The following ERICH3 variants were observed in gnomAD, a reference collection of about 807,000 sequenced individuals.
ERICH3 encodes glutamate rich 3.
Under a neutral mutation model 131.1 loss-of-function variants are expected in ERICH3, and 126 were observed. That is an observed-to-expected ratio of 0.96 (90% confidence interval 0.83 to 1.11). The LOEUF (loss-of-function observed/expected upper bound fraction) is 1.11, where lower values mean the gene tolerates loss of function less well. ERICH3 is among the 50% of genes most tolerant of loss of function. The pLI is 0.00. For synonymous variants in ERICH3, 695 were observed against 644.6 expected (o/e 1.08, Z -1.18); for missense variants, 2,050 against 1,810.7 (o/e 1.13, Z -2.40).
chr1:74,583,583 A>C (rs1038927324), intron 12 of ERICH3, among the ~76,000 whole-genome samples: 3 of 152,110 alleles, frequency 2.0e-5, no homozygotes, highest in Admixed American at 6.6e-5. Flanking sequence ...TCAGATAAGC[A>C]GGTCAACTGT....
At position 74,620,785 on chromosome 1, in the gene ERICH3, G is replaced by C; in HGVS notation, c.949C>G (p.His317Asp). 3 of 1,613,198 alleles carry C rather than the reference G, an allele frequency of 1.9e-6. No individual in the cohort carries two copies. The highest frequency in any genetic ancestry group is 2.5e-6 in the Non-Finnish European group (3 of 1,179,626). Residue 317 changes from histidine (H) to aspartate (D), a missense_variant, in exon 8 of 15, where the codon CAC becomes GAC. Physicochemically the swap from His to Asp is moderately conservative, Grantham distance 81. Coordinates refer to ENST00000326665, the MANE Select transcript of ERICH3 (RefSeq NM_001002912.5). ...FRDEIKVYQQ[H>D]CGGENLCVYK... is the part of the protein sequence containing the mutation. ...ACACAAAGGTTTTCCCCACCACAGTGCTGCTGATAAACTTTAATTTCATCC... is the reference window on the plus strand; with the variant it reads ...ACACAAAGGTTTTCCCCACCACAGTCCTGCTGATAAACTTTAATTTCATCC...
intron 11 of ERICH3, among the ~76,000 whole-genome samples, chr1:74,591,095 T>A (rs961747461): frequency 6.6e-6 from 1 of 152,184 alleles, no homozygotes; most frequent in African/African-American, 2.4e-5. Context: ...GATCTGTGTA[T>A]TTGGCCAGTA....
rs183776315 is a variant in ERICH3, at chr1:74,577,136, A to C, written c.2177-200T>G. 6 of 496,220 alleles carry C rather than the reference A, an allele frequency of 1.2e-5. No individual in the cohort carries two copies. In the East Asian group the frequency reaches 1.9e-4, roughly 15 times the overall value. The allele number at this position is 496,220 out of a possible 1,614,324, so 30.7% of individuals were successfully genotyped here. A position where few individuals can be genotyped will look rare whatever the true frequency, so the allele number is the denominator to read the frequency against. Reference sequence around the variant, plus strand: ...ATCTAATGTTCTTTTATTTAATCCTAGACATCAATATATTCAAAAAATAAT... The same window carrying C: ...ATCTAATGTTCTTTTATTTAATCCTCGACATCAATATATTCAAAAAATAAT... On this transcript the variant is annotated intron_variant, in intron 12 of 14. Coordinates refer to ENST00000326665, the MANE Select transcript of ERICH3 (RefSeq NM_001002912.5).
intron 1 of ERICH3, among the ~76,000 whole-genome samples, chr1:74,667,178 C>A (rs1285703748): frequency 6.6e-6 from 1 of 152,174 alleles, no homozygotes; most frequent in African/African-American, 2.4e-5. Flanking sequence ...TATGACTCAG[C>A]TGATTTTCCT....
chr1:74,596,662 G>A (rs979674826), intron 11 of ERICH3, among the ~76,000 whole-genome samples: 2 of 152,028 alleles, frequency 1.3e-5, no homozygotes, highest in Non-Finnish European at 2.9e-5. Context: ...TATATTCTCA[G>A]TGACATGATA....
intron 10 of ERICH3, 102 bp from the exon 11 acceptor site, chr1:74,600,033 T>A (rs1648054166): frequency 3.8e-6 from 3 of 796,906 alleles, no homozygotes; most frequent in African/African-American, 1.7e-5. Context: ...CTCTCTTCTC[T>A]GAGCCTTTCT....
chr1:74,607,755 AG>A (rs1163416203), intron 9 of ERICH3, among the ~76,000 whole-genome samples: 2 of 152,004 alleles, frequency 1.3e-5, no homozygotes, highest in Non-Finnish European at 2.9e-5. Context: ...TTATAACAAA[AG>A]TAATATGAAT....
intron 11 of ERICH3, among the ~76,000 whole-genome samples, chr1:74,596,858 T>C (rs1647875699): frequency 6.6e-6 from 1 of 152,028 alleles, no homozygotes; most frequent in Non-Finnish European, 1.5e-5. Flanking sequence ...AGTAGCACTC[T>C]ATCACTCATG....
At chr1:74,579,455 CA>C (rs1647137389) in intron 12 of ERICH3, 4 of 985,174 alleles carry the variant, frequency 4.1e-6, no homozygotes, top group South Asian at 9.4e-5. Flanking sequence ...ATGTTATCAC[CA>C]CTTGCCCACG....
intron 3 of ERICH3, among the ~76,000 whole-genome samples, chr1:74,644,057 T>C (rs1646459654): frequency 7.1e-6 from 1 of 141,746 alleles, no homozygotes; most frequent in Non-Finnish European, 1.6e-5. Flanking sequence ...AAAAATAATC[T>C]GCTTAAAAGG....
rs566475800 is a variant in ERICH3 at position 74,571,690 on chromosome 1, C to G, written c.4020G>C (p.Val1340=). The G allele has an allele frequency of 6.2e-7, 1 of 1,614,064 alleles. No individual in the cohort carries two copies. Among genetic ancestry groups the G allele is most frequent in the East Asian group, 2.2e-5 (1 of 44,828 alleles). ...EGMGGGRVVA[V]EVLHGGGETA... Reference sequence around the variant, plus strand: ...TTTCACCACCTCCGTGTAGAACTTCCACAGCCACAACCCTTCCTCCTCCCA... The same window carrying G: ...TTTCACCACCTCCGTGTAGAACTTCGACAGCCACAACCCTTCCTCCTCCCA... The change falls in exon 14 of 15, where the codon GTG becomes GTC. Residue 1340 remains valine, a synonymous_variant. Coordinates refer to ENST00000326665, the MANE Select transcript of ERICH3 (RefSeq NM_001002912.5).
At chr1:74,664,310 T>TAA (rs5775254) in intron 1 of ERICH3, among the ~76,000 whole-genome samples, 1 of 146,576 alleles carries the variant, frequency 6.8e-6, no homozygotes. Flanking sequence ...AAAGGAAGAT[T>TAA]AAAAAAAAAA....
chr1:74,593,811 C>G (rs970037448), intron 11 of ERICH3, among the ~76,000 whole-genome samples: 4 of 152,062 alleles, frequency 2.6e-5, no homozygotes, highest in Non-Finnish European at 4.4e-5. Flanking sequence ...TGTCCATTAC[C>G]TAGTAAGTAG....
chr1:74,614,657 TGA>T (rs1648878149), intron 8 of ERICH3, among the ~76,000 whole-genome samples: 1 of 140,240 alleles, frequency 7.1e-6, no homozygotes, highest in Non-Finnish European at 1.5e-5. Flanking sequence ...AGCCTGGGAG[TGA>T]GAGTGAGACT....
At chr1:74,628,634 G>A (rs1038667688) in intron 7 of ERICH3, among the ~76,000 whole-genome samples, 3 of 151,886 alleles carry the variant, frequency 2.0e-5, no homozygotes, top group East Asian at 1.9e-4. Context: ...ATTTTCGACT[G>A]TGCAGAGAAA....
Position 74,643,044 on chromosome 1 carries a change from G to C in ERICH3, c.298C>G (p.Arg100Gly). The C allele has an allele frequency of 1.2e-6, 2 of 1,609,278 alleles. No homozygotes were observed. Among genetic ancestry groups the C allele is most frequent in the Non-Finnish European group, 1.7e-6 (2 of 1,176,972 alleles). Residue 100 changes from arginine to glycine, a missense_variant, in exon 4 of 15, where the codon CGA becomes GGA. Physicochemically the swap from Arg to Gly is moderately radical, Grantham distance 125. Coordinates refer to ENST00000326665, the MANE Select transcript of ERICH3 (RefSeq NM_001002912.5). The stretch of plus-strand genomic sequence containing the variant: ...CTCCTTACCTTAAACCTCTGGATTC[G>C]CTCCTTCCTAGCTAAGGTCTCCAAT... Reference protein sequence around the residue: ...KKLETLARKERIQRFKGEHTR... With the variant: ...KKLETLARKEGIQRFKGEHTR...
At chr1:74,576,290 G>T (rs954434649) in intron 13 of ERICH3, among the ~76,000 whole-genome samples, 8 of 152,176 alleles carry the variant, frequency 5.3e-5, no homozygotes, top group African/African-American at 1.9e-4. Context: ...TTTCTTGCTT[G>T]AATACAATTT....
chr1:74,611,606 C>A (rs138950116), intron 9 of ERICH3, among the ~76,000 whole-genome samples: 259 of 152,260 alleles, frequency 1.7e-3, no homozygotes, highest in Middle Eastern at 0.01. Flanking sequence ...ATGGTCTCTG[C>A]GACCCCATCT....
chr1:74,670,536 C>T (rs897431360), intron 1 of ERICH3, among the ~76,000 whole-genome samples: 3 of 152,172 alleles, frequency 2.0e-5, no homozygotes, highest in African/African-American at 7.2e-5. Flanking sequence ...TTTATCAGTT[C>T]CCAAATAATA....
Sources: gnomAD v4.1 joint callset for allele counts (sites outside exome capture counted in the v4.1 genomes callset) on GRCh38, gnomAD v4.1.1 for gene constraint, MANE v1.5 for transcripts, NCBI Gene and HGNC (gene_info 2026-07-23, HGNC 2026-07-21) for gene names.